AUTS2: variants seen among roughly 807,000 people sequenced by gnomAD.
AUTS2 encodes the protein activator of transcription and developmental regulator AUTS2, also known as autism susceptibility gene 2 protein.
AUTS2 carries 17 observed loss-of-function variants against 112.4 expected under a neutral mutation model. That is an observed-to-expected ratio of 0.15 (90% confidence interval 0.10 to 0.23). AUTS2 has a LOEUF of 0.23. Among genes scored for constraint, AUTS2 ranks in the 10% least tolerant of loss-of-function variants. AUTS2 has a pLI of 1.00. For missense variants in AUTS2, 1,510 were observed against 1,701.6 expected, an observed-to-expected ratio of 0.89 and a Z score of 1.98; for synonymous variants, 751 against 702.7, an observed-to-expected ratio of 1.07 and a Z score of -1.09.
chr7:70,060,876 C>A (rs751179899), intron 2 of AUTS2, among the ~76,000 whole-genome samples: 1 of 152,160 alleles, frequency 6.6e-6, no homozygotes, highest in African/African-American at 2.4e-5. Context: ...GTAGGTATTT[C>A]TTCCTTCCTG....
chr7:70,583,093 C>T (rs1432707823), intron 5 of AUTS2, among the ~76,000 whole-genome samples: 1 of 152,186 alleles, frequency 6.6e-6, no homozygotes, highest in Admixed American at 6.5e-5. Flanking sequence ...TCGCTCAGAC[C>T]TTGGGGCCGC....
At chr7:70,724,712 T>A (rs1786922683) in intron 6 of AUTS2, among the ~76,000 whole-genome samples, 1 of 152,198 alleles carries the variant, frequency 6.6e-6, no homozygotes, top group East Asian at 1.9e-4. Flanking sequence ...CCCAAAGTGC[T>A]GGGATTACAG....
chr7:69,781,032 G>A (rs1789124384), intron 1 of AUTS2, among the ~76,000 whole-genome samples: 1 of 152,162 alleles, frequency 6.6e-6, no homozygotes, highest in African/African-American at 2.4e-5. Flanking sequence ...TATTGATGGG[G>A]AAACTGAGAT....
At chr7:70,029,162 G>A (rs759962030) in intron 2 of AUTS2, among the ~76,000 whole-genome samples, 15 of 151,744 alleles carry the variant, frequency 9.9e-5, no homozygotes, top group Non-Finnish European at 1.8e-4. Context: ...AATGGAAACA[G>A]TGATAGTATC....
At chr7:70,717,336 A>G (rs1421859948) in intron 6 of AUTS2, among the ~76,000 whole-genome samples, 1 of 151,934 alleles carries the variant, frequency 6.6e-6, no homozygotes, top group Non-Finnish European at 1.5e-5. Flanking sequence ...CTGTACCACC[A>G]TACCCGGCTA....
chr7:70,393,315 G>C (rs995945051), intron 4 of AUTS2, among the ~76,000 whole-genome samples: 1 of 152,196 alleles, frequency 6.6e-6, no homozygotes, highest in Non-Finnish European at 1.5e-5. Context: ...GATTCCCAGC[G>C]CATGTGTGCT....
At chr7:70,720,175 G>C (rs553716942) in intron 6 of AUTS2, among the ~76,000 whole-genome samples, 2 of 149,666 alleles carry the variant, frequency 1.3e-5, no homozygotes, top group Admixed American at 1.3e-4. Context: ...AGATCAACAC[G>C]AAGTCTTTTT....
Position 69,876,522 on chromosome 7 carries a change from A to G in AUTS2, c.310-22764A>G, listed in dbSNP as rs1459365381. On this transcript the variant is annotated intron_variant, in intron 1 of 18. Coordinates refer to ENST00000342771, the MANE Select transcript of AUTS2 (RefSeq NM_015570.4). ...TATATATATATATATATATATATAT[A>G]TATATATATATATATATATATATTT... Among the ~76,000 whole-genome samples, 111 of 42,324 alleles carry G rather than the reference A, an allele frequency of 2.6e-3. 8 individuals carry two copies. The highest frequency in any genetic ancestry group is 3.0e-3 in the African/African-American group (21 of 6,896). The allele number at this position is 42,324 out of a possible 152,430, so 27.8% of individuals were successfully genotyped here. A position where few individuals can be genotyped will look rare whatever the true frequency, so the allele number is the denominator to read the frequency against.
intron 5 of AUTS2, among the ~76,000 whole-genome samples, chr7:70,675,046 C>T (rs537244998): frequency 6.6e-6 from 1 of 152,310 alleles, no homozygotes; most frequent in African/African-American, 2.4e-5. Flanking sequence ...TATTAAGCTT[C>T]TCTCTACCTC....
chr7:70,555,702 G>A (rs1801217047), intron 5 of AUTS2, among the ~76,000 whole-genome samples: 1 of 152,106 alleles, frequency 6.6e-6, no homozygotes, highest in African/African-American at 2.4e-5. Flanking sequence ...AATACTTGAG[G>A]CTGGGTAATT....
chr7:69,975,206 TC>T (rs1457097295), intron 2 of AUTS2, among the ~76,000 whole-genome samples: 1 of 152,058 alleles, frequency 6.6e-6, no homozygotes, highest in African/African-American at 2.4e-5. Flanking sequence ...CTTCTGGCCT[TC>T]AGGGTTTCTC....
At chr7:70,389,660 T>C (rs66959934) in intron 4 of AUTS2, among the ~76,000 whole-genome samples, 8,155 of 152,226 alleles carry the variant, frequency 0.054, 335 homozygotes, top group African/African-American at 0.11. Flanking sequence ...TTATGTGCCA[T>C]GTGCCTTGGG....
intron 4 of AUTS2, among the ~76,000 whole-genome samples, chr7:70,303,439 TACACACAC>T (rs371608891): frequency 1.1e-4 from 16 of 143,184 alleles, no homozygotes; most frequent in East Asian, 2.1e-4. Flanking sequence ...CGCGCGCACA[TACACACAC>T]ACACACACAC....
intron 5 of AUTS2, among the ~76,000 whole-genome samples, chr7:70,651,749 T>TGAG (rs1806519894): frequency 6.6e-6 from 1 of 152,190 alleles, no homozygotes; most frequent in Non-Finnish European, 1.5e-5. Context: ...ATCTGTATGT[T>TGAG]GATTTAGCTG....
intron 6 of AUTS2, among the ~76,000 whole-genome samples, chr7:70,758,229 G>A (rs114195394): frequency 0.016 from 2,376 of 151,268 alleles, 61 homozygotes; most frequent in African/African-American, 0.055. Flanking sequence ...GCAAACATAC[G>A]TAACCAGTCT....
chr7:70,275,347 T>C (rs192528254), intron 4 of AUTS2, among the ~76,000 whole-genome samples: 32 of 152,294 alleles, frequency 2.1e-4, no homozygotes, highest in Non-Finnish European at 3.1e-4. Flanking sequence ...ATGAGGTACC[T>C]AGAGTAGTCA....
At chr7:69,877,307 G>A (rs1167888264) in intron 1 of AUTS2, among the ~76,000 whole-genome samples, 1 of 152,122 alleles carries the variant, frequency 6.6e-6, no homozygotes, top group Admixed American at 6.6e-5. Flanking sequence ...TAAACCAAAA[G>A]TCTTCAAACT....
chr7:69,606,591 T>G (rs560059931), intron 1 of AUTS2, among the ~76,000 whole-genome samples: 1 of 152,354 alleles, frequency 6.6e-6, no homozygotes, highest in East Asian at 1.9e-4. Flanking sequence ...GAAGCAACTT[T>G]TTTTTTTCTT....
chr7:69,670,068 A>G (rs932001826), intron 1 of AUTS2, among the ~76,000 whole-genome samples: 7 of 152,158 alleles, frequency 4.6e-5, no homozygotes, highest in Admixed American at 3.3e-4. Flanking sequence ...TTAGGAGCTT[A>G]TGTACCAGAG....
Sources: gnomAD v4.1 joint callset for allele counts (sites outside exome capture counted in the v4.1 genomes callset) on GRCh38, gnomAD v4.1.1 for gene constraint, MANE v1.5 for transcripts, NCBI Gene and HGNC (gene_info 2026-07-23, HGNC 2026-07-21) for gene names.